The following CDC14B variants were observed in gnomAD, a reference collection of about 807,000 sequenced individuals.
CDC14B encodes cell division cycle 14B.
Under a neutral mutation model 64.2 loss-of-function variants are expected in CDC14B, and 22 were observed. That is an observed-to-expected ratio of 0.34 (90% CI 0.24 to 0.49). CDC14B has a LOEUF of 0.49. Ranked by LOEUF, CDC14B falls within the 20% of genes least tolerant of loss-of-function variation. The probability of loss-of-function intolerance (pLI) is 0.99; values close to 1 mark genes in which losing one functional copy is unlikely to be tolerated. For missense variants in CDC14B, 498 were observed against 629.9 expected (o/e 0.79, Z 2.24); for synonymous variants, 191 against 215.8 (o/e 0.89, Z 1.01).
intron 1 of CDC14B, among the ~76,000 whole-genome samples, chr9:96,573,401 A>G (rs1020375027): frequency 6.6e-6 from 1 of 152,248 alleles, no homozygotes; most frequent in Non-Finnish European, 1.5e-5. Flanking sequence ...ACAGAAGATT[A>G]ATACACAAAA....
intron 1 of CDC14B, among the ~76,000 whole-genome samples, chr9:96,601,858 G>C (rs1846499866): frequency 6.8e-6 from 1 of 146,294 alleles, no homozygotes; most frequent in Admixed American, 7.0e-5. Context: ...AGGAGATCGA[G>C]ACCATCCTGG....
chr9:96,503,798 G>A lies in CDC14B; in HGVS notation c.1461-9C>T. The A allele has an allele frequency of 6.2e-7, 1 of 1,610,398 alleles. No homozygotes were observed. Among genetic ancestry groups the A allele is most frequent in the East Asian group, 2.2e-5 (1 of 44,832 alleles). Reference sequence around the variant, plus strand: ...TCCTTGAAATGGAGAGACTACAGGGGGAAAAAAAAGGATTTTTACCAGAAA... The same window carrying A: ...TCCTTGAAATGGAGAGACTACAGGGAGAAAAAAAAGGATTTTTACCAGAAA... On this transcript the variant is annotated splice_polypyrimidine_tract_variant and intron_variant, in intron 13 of 13. Transcript: ENST00000375241.
chr9:96,506,826 G>A (rs762575418), intron 13 of CDC14B, among the ~76,000 whole-genome samples: 4 of 152,176 alleles, frequency 2.6e-5, no homozygotes, highest in Non-Finnish European at 4.4e-5. Flanking sequence ...AAAACGCAAC[G>A]AGACCTAGAT....
chr9:96,607,329 C>T (rs1048880309), intron 1 of CDC14B, among the ~76,000 whole-genome samples: 1 of 150,494 alleles, frequency 6.6e-6, no homozygotes, highest in African/African-American at 2.4e-5. Flanking sequence ...TTCCTGCCTT[C>T]CTCAGTAAGA....
At chr9:96,493,400 G>A (rs890677380) in intron 13 of CDC14B, 1 of 152,434 alleles carries the variant, frequency 6.6e-6, no homozygotes, top group African/African-American at 2.4e-5. Context: ...GGTGGGCTGC[G>A]GGCGTGAGAG....
At chr9:96,555,549 T>C (rs1241565131) in intron 4 of CDC14B, among the ~76,000 whole-genome samples, 5 of 152,212 alleles carry the variant, frequency 3.3e-5, no homozygotes, top group Non-Finnish European at 7.3e-5. Flanking sequence ...TTTGCAGTAA[T>C]TTGCTGGGCA....
At chr9:96,534,874 A>C (rs774607617) in intron 7 of CDC14B, among the ~76,000 whole-genome samples, 23 of 152,216 alleles carry the variant, frequency 1.5e-4, no homozygotes, top group Non-Finnish European at 2.5e-4. Context: ...ATTAATAAGA[A>C]AGCAAGCAAA....
chr9:96,515,638 G>A lies in CDC14B; in HGVS notation c.1344-5849C>T, dbSNP rs1400632207. ...GTAAGCAACGGCAGAGAAACAGAAC[G>A]GGACACTTACAGCAGCTATCTGTCA... On this transcript the variant is annotated intron_variant, in intron 12 of 13. Coordinates refer to ENST00000375241, the MANE Select transcript of CDC14B (RefSeq NM_033331.4). This position sits in a 1 kb window ranked among gnomAD's most constrained non-coding sequence, Gnocchi z 4.3. 21 of 1,556,420 alleles carry A rather than the reference G, an allele frequency of 1.3e-5. 1 individual carries two copies. The highest frequency in any genetic ancestry group is 5.8e-5 in the Admixed American group (3 of 51,580).
chr9:96,518,875 A>G (rs375363439), intron 12 of CDC14B, among the ~76,000 whole-genome samples: 2 of 151,958 alleles, frequency 1.3e-5, no homozygotes, highest in South Asian at 4.2e-4. Flanking sequence ...AGTGGCTCAC[A>G]CCTGTAATCC....
chr9:96,546,599 A>C (rs1383278251), intron 5 of CDC14B, among the ~76,000 whole-genome samples: 1 of 151,840 alleles, frequency 6.6e-6, no homozygotes, highest in Non-Finnish European at 1.5e-5. Context: ...ACAGGTGTGC[A>C]CCACCATGCC....
chr9:96,562,398 A>C, intron 4 of CDC14B: 1 of 308,602 alleles, frequency 3.2e-6, no homozygotes, highest in Non-Finnish European at 6.0e-6. Context: ...CTTTAGTGCC[A>C]TAAAACATAA....
intron 1 of CDC14B, among the ~76,000 whole-genome samples, chr9:96,596,232 C>T (rs1486044535): frequency 2.0e-5 from 3 of 151,658 alleles, no homozygotes; most frequent in East Asian, 1.9e-4. Context: ...CATGGTGGCA[C>T]GGACCTGTAG....
chr9:96,603,862 T>G (rs1846674362), intron 1 of CDC14B, among the ~76,000 whole-genome samples: 1 of 152,246 alleles, frequency 6.6e-6, no homozygotes, highest in Non-Finnish European at 1.5e-5. Context: ...CGGTAACCTG[T>G]GATCTCCCTA....
intron 1 of CDC14B, among the ~76,000 whole-genome samples, chr9:96,606,869 T>A (rs555720228): frequency 6.6e-6 from 1 of 151,922 alleles, no homozygotes; most frequent in South Asian, 2.1e-4. Context: ...CCTGGCCTAC[T>A]AATAATTTTT....
Position 96,539,151 on chromosome 9 carries a change from A to G in CDC14B, c.565-11T>C, listed in dbSNP as rs757526683. On this transcript the variant is annotated splice_polypyrimidine_tract_variant and intron_variant, in intron 6 of 13. Transcript: ENST00000375241. ...GCCATACTGCATTGCCTAAAATCCA[A>G]AAGAAAGCTTTTAAGAACAAGGATG... 42 of 1,587,536 alleles carry G rather than the reference A, an allele frequency of 2.6e-5. 1 individual carries two copies. The South Asian group carries it at 4.7e-4, about 18-fold the overall frequency.
At chr9:96,573,938 G>A (rs1844634948) in intron 1 of CDC14B, among the ~76,000 whole-genome samples, 1 of 152,130 alleles carries the variant, frequency 6.6e-6, no homozygotes, top group Non-Finnish European at 1.5e-5. Flanking sequence ...ACGAGGTCAG[G>A]AGATGGAGAC....
intron 1 of CDC14B, among the ~76,000 whole-genome samples, chr9:96,596,859 T>C (rs1457709041): frequency 1.4e-5 from 2 of 147,060 alleles, no homozygotes; most frequent in Non-Finnish European, 3.0e-5. Flanking sequence ...ACCTTCTCTA[T>C]CTTTAAAAAA....
chr9:96,619,163 G>A, intron 1 of CDC14B, 56 bp downstream of exon 1: 2 of 1,209,290 alleles, frequency 1.7e-6, no homozygotes, highest in African/African-American at 1.6e-5. Context: ...GTGGGCCAGG[G>A]CCCCGCGCCG....
intron 1 of CDC14B, among the ~76,000 whole-genome samples, chr9:96,576,005 GC>G (rs1430917451): frequency 2.0e-5 from 3 of 152,272 alleles, no homozygotes; most frequent in African/African-American, 4.8e-5. Context: ...GCTGGGCTTG[GC>G]GGCTCGCGCC....
Sources: gnomAD v4.1 joint callset for allele counts (sites outside exome capture counted in the v4.1 genomes callset) on GRCh38, gnomAD v4.1.1 for gene constraint, Gnocchi (gnomAD v3.1) non-coding constraint, MANE v1.5 for transcripts, NCBI Gene and HGNC (gene_info 2026-07-23, HGNC 2026-07-21) for gene names.